The following PREX2 variants were observed in gnomAD, a reference collection of about 807,000 sequenced individuals.
PREX2 encodes phosphatidylinositol 3,4,5-trisphosphate-dependent Rac exchanger 2 protein.
Under a neutral mutation model 203.2 loss-of-function variants are expected in PREX2, and 107 were observed. The ratio of observed to expected loss-of-function variants is 0.53; its 90% CI spans 0.45 to 0.62. The LOEUF is 0.62. Among genes scored for constraint, PREX2 ranks in the 20% least tolerant of loss-of-function variants. PREX2 has a pLI of 0.00. For synonymous variants in PREX2, 672 were observed against 663.6 expected (o/e 1.01, Z -0.19); for missense variants, 1,777 against 1,955.9 (o/e 0.91, Z 1.72).
chr8:68,081,364 C>A (rs1455264832), intron 17 of PREX2, among the ~76,000 whole-genome samples: 1 of 152,130 alleles, frequency 6.6e-6, no homozygotes, highest in African/African-American at 2.4e-5. Flanking sequence ...TGGTTCCTGT[C>A]AGGCCTTGGA....
chr8:68,211,420 C>T (rs16934319), intron 37 of PREX2, among the ~76,000 whole-genome samples: 16,157 of 152,104 alleles, frequency 0.11, 1,724 homozygotes, highest in East Asian at 0.38. Flanking sequence ...ATGATGAGAT[C>T]TGAGAAACTG....
chr8:68,178,187 T>C (rs1812018701), intron 35 of PREX2, among the ~76,000 whole-genome samples: 1 of 152,218 alleles, frequency 6.6e-6, no homozygotes, highest in African/African-American at 2.4e-5. Flanking sequence ...TCTAGGTCTA[T>C]GAGGAATTGC....
At chr8:67,968,230 AC>A (rs1206914662) in intron 1 of PREX2, among the ~76,000 whole-genome samples, 1 of 152,112 alleles carries the variant, frequency 6.6e-6, no homozygotes, top group African/African-American at 2.4e-5. Context: ...TCTGCCAGCG[AC>A]TGGGGAGGGG....
intron 25 of PREX2, among the ~76,000 whole-genome samples, chr8:68,115,085 T>A (rs540310323): frequency 7.4e-6 from 1 of 134,884 alleles, no homozygotes; most frequent in African/African-American, 2.8e-5. Context: ...TGGAGTACAA[T>A]GGCACGATCT....
At chr8:68,066,876 T>A (rs1809030615) in intron 11 of PREX2, among the ~76,000 whole-genome samples, 1 of 152,140 alleles carries the variant, frequency 6.6e-6, no homozygotes, top group Admixed American at 6.5e-5. Context: ...TATGTTTAAA[T>A]CTTTAGTCTA....
chr8:68,066,343 A>G (rs1323096544), intron 11 of PREX2, among the ~76,000 whole-genome samples: 1 of 152,114 alleles, frequency 6.6e-6, no homozygotes, highest in Non-Finnish European at 1.5e-5. Flanking sequence ...CTCCACCAAC[A>G]GTGTACAAGG....
At chr8:68,041,630 C>T (rs917697209) in intron 7 of PREX2, among the ~76,000 whole-genome samples, 2 of 151,932 alleles carry the variant, frequency 1.3e-5, no homozygotes, top group African/African-American at 4.8e-5. Flanking sequence ...CTTCTAGGTT[C>T]TCTGTGTTTG....
intron 34 of PREX2, among the ~76,000 whole-genome samples, chr8:68,147,854 G>T (rs1219515176): frequency 6.6e-6 from 1 of 150,850 alleles, no homozygotes; most frequent in East Asian, 1.9e-4. Context: ...CAGGGTCAGT[G>T]TAGGTAATCC....
chr8:68,124,156 A>G (rs961366279), intron 30 of PREX2, among the ~76,000 whole-genome samples: 1 of 152,126 alleles, frequency 6.6e-6, no homozygotes, highest in East Asian at 1.9e-4. Context: ...ACAAAGGAAT[A>G]TAAATCATTC....
intron 37 of PREX2, among the ~76,000 whole-genome samples, chr8:68,195,476 A>G (rs2129614759): frequency 6.6e-6 from 1 of 152,318 alleles, no homozygotes; most frequent in East Asian, 1.9e-4. Context: ...GGGGAATGTA[A>G]AATACTCTTT....
At chr8:68,105,353 C>A (rs763396634) in intron 23 of PREX2, 3 of 1,366,376 alleles carry the variant, frequency 2.2e-6, no homozygotes, top group Admixed American at 1.9e-5. Flanking sequence ...CAGAGAGGGC[C>A]CCTGTCTGAT....
At chr8:67,960,537 C>T (rs780606742) in intron 1 of PREX2, among the ~76,000 whole-genome samples, 1 of 151,968 alleles carries the variant, frequency 6.6e-6, no homozygotes, top group Admixed American at 6.6e-5. Flanking sequence ...AGAACTCCAG[C>T]GGGGCCTAGG....
At chr8:68,150,271 G>A (rs1316749170) in intron 34 of PREX2, among the ~76,000 whole-genome samples, 2 of 152,148 alleles carry the variant, frequency 1.3e-5, no homozygotes, top group South Asian at 2.1e-4. Flanking sequence ...TGGGGGAGGG[G>A]ATAATTTAGG....
chr8:68,013,166 C>G (rs1316288606), intron 1 of PREX2, among the ~76,000 whole-genome samples: 2 of 152,168 alleles, frequency 1.3e-5, no homozygotes, highest in African/African-American at 4.8e-5. Context: ...CAGGTAGGCT[C>G]TGCATTCATG....
chr8:68,192,067 T>G (rs1812305585), intron 36 of PREX2, among the ~76,000 whole-genome samples: 1 of 152,204 alleles, frequency 6.6e-6, no homozygotes, highest in Admixed American at 6.5e-5. Context: ...TAGGTCAGTT[T>G]GATTTTGAGG....
intron 35 of PREX2, among the ~76,000 whole-genome samples, chr8:68,162,508 AT>A (rs1347180558): frequency 3.3e-5 from 5 of 152,174 alleles, no homozygotes; most frequent in African/African-American, 1.2e-4. Context: ...ACTGAAAAGA[AT>A]TAGGAAATTA....
intron 1 of PREX2, among the ~76,000 whole-genome samples, chr8:67,998,226 T>C (rs2129609664): frequency 6.6e-6 from 1 of 152,262 alleles, no homozygotes; most frequent in South Asian, 2.1e-4. Flanking sequence ...CTTTCTATCC[T>C]GCCACCCTGA....
intron 26 of PREX2, among the ~76,000 whole-genome samples, chr8:68,118,154 G>C (rs1810694217): frequency 6.6e-6 from 1 of 152,162 alleles, no homozygotes; most frequent in African/African-American, 2.4e-5. Context: ...AGGAGATGGA[G>C]ACCATCCTGG....
At chr8:68,025,196 T>G (rs890261834) in intron 4 of PREX2, among the ~76,000 whole-genome samples, 1 of 151,974 alleles carries the variant, frequency 6.6e-6, no homozygotes, top group Non-Finnish European at 1.5e-5. Context: ...GCTCAGTCTT[T>G]TTTTTTATTT....
Sources: gnomAD v4.1 joint callset for allele counts (sites outside exome capture counted in the v4.1 genomes callset) on GRCh38, gnomAD v4.1.1 for gene constraint, MANE v1.5 for transcripts, NCBI Gene and HGNC (gene_info 2026-07-23, HGNC 2026-07-21) for gene names.